MARCO: variants seen among roughly 807,000 people sequenced by gnomAD.
The protein encoded by MARCO is macrophage receptor with collagenous structure.
In MARCO, 72 loss-of-function variants were observed where a neutral mutation model predicts 70.0. That is an observed-to-expected ratio of 1.03 (90% CI 0.85 to 1.25). The LOEUF is 1.25. Among genes scored for constraint, MARCO ranks in the 50% most tolerant of loss-of-function variants. MARCO has a pLI of 0.00. For missense variants in MARCO, 696 were observed against 659.3 expected (o/e 1.06, Z -0.61); for synonymous variants, 273 against 243.1 (o/e 1.12, Z -1.14).
intron 4 of MARCO, among the ~76,000 whole-genome samples, chr2:118,972,402 GT>G (rs1490551737): frequency 6.6e-6 from 1 of 152,156 alleles, no homozygotes; most frequent in Non-Finnish European, 1.5e-5. Flanking sequence ...GCCAGGGAGG[GT>G]TTTGAGGCAG....
chr2:118,957,127 A>C (rs1295891998), intron 1 of MARCO, among the ~76,000 whole-genome samples: 1 of 152,112 alleles, frequency 6.6e-6, no homozygotes, highest in African/African-American at 2.4e-5. Context: ...AGAAGAAAGG[A>C]AGTAACCAAG....
intron 12 of MARCO, among the ~76,000 whole-genome samples, chr2:118,986,705 GAA>G (rs1354709370): frequency 2.5e-5 from 2 of 80,630 alleles, no homozygotes; most frequent in Admixed American, 2.4e-4. Flanking sequence ...AAGAAAGAAA[GAA>G]AGAAAGAAAG....
intron 8 of MARCO, among the ~76,000 whole-genome samples, chr2:118,980,971 T>C (rs931608497): frequency 2.6e-5 from 4 of 152,210 alleles, no homozygotes; most frequent in Non-Finnish European, 5.9e-5. Flanking sequence ...CTGGCAGGAA[T>C]ATGAGCTGCT....
chr2:118,948,950 G>T (rs1398430309), intron 1 of MARCO, among the ~76,000 whole-genome samples: 2 of 152,156 alleles, frequency 1.3e-5, no homozygotes, highest in Non-Finnish European at 2.9e-5. Flanking sequence ...TCCGCTAAGG[G>T]CAGGTGTATG....
At chr2:118,966,894 TTCA>T (rs541937923) in intron 1 of MARCO, among the ~76,000 whole-genome samples, 8 of 152,340 alleles carry the variant, frequency 5.3e-5, no homozygotes, top group Non-Finnish European at 1.0e-4. Flanking sequence ...GTTATTTGTC[TTCA>T]TCATGACGGT....
At chr2:118,942,684 C>CT (rs1475782437) in intron 1 of MARCO, among the ~76,000 whole-genome samples, 1 of 151,996 alleles carries the variant, frequency 6.6e-6, no homozygotes, top group African/African-American at 2.4e-5. Flanking sequence ...TAAATGTCCC[C>CT]TTTTTTTAAT....
intron 1 of MARCO, among the ~76,000 whole-genome samples, chr2:118,954,383 C>T (rs1679787594): frequency 6.6e-6 from 1 of 152,180 alleles, no homozygotes; most frequent in South Asian, 2.1e-4. Context: ...CTGGGAATCT[C>T]ACCCCTATCC....
At chr2:118,955,512 A>G (rs1019882229) in intron 1 of MARCO, among the ~76,000 whole-genome samples, 1 of 152,216 alleles carries the variant, frequency 6.6e-6, no homozygotes, top group Non-Finnish European at 1.5e-5. Context: ...CAATTGTAAA[A>G]GCTTGGAAAA....
In MARCO at chr2:118,992,443, G is replaced by A. The variant is rs1282819199; in HGVS notation, c.1219G>A (p.Glu407Lys). The A allele has an allele frequency of 6.2e-7, 1 of 1,613,716 alleles. No individual in the cohort carries two copies. The highest frequency in any genetic ancestry group is 1.3e-5 in the African/African-American group (1 of 74,906). ...GDQGVKGSSG[E>K]QGVKGEKGER... ...TCTCCTCATGACAGGATCTTCTGGG[G>A]AGCAAGGAGTAAAGGGAGAAAAAGG... The change falls in exon 15 of 17, where the codon GAG becomes AAG. Residue 407 changes from glutamate (E) to lysine (K), a missense_variant. Coordinates refer to ENST00000327097, the MANE Select transcript of MARCO (RefSeq NM_006770.4).
Position 118,948,372 on chromosome 2 carries a change from T to C in MARCO, c.97+5975T>C, listed in dbSNP as rs530249514. On this transcript the variant is annotated intron_variant, in intron 1 of 16. Transcript: ENST00000327097. ...TGCTAATAGCCTACAACTTTCCTAA[T>C]AGTTAAGTACAGGGAAGAACAAAGA... 2.0e-5 allele frequency among the ~76,000 whole-genome samples: 3 copies of C among 152,290 alleles called. No homozygotes were observed. In the East Asian group the frequency reaches 5.8e-4, roughly 29 times the overall value.
At chr2:118,966,969 C>T (rs1680063655) in intron 1 of MARCO, among the ~76,000 whole-genome samples, 1 of 152,194 alleles carries the variant, frequency 6.6e-6, no homozygotes, top group Non-Finnish European at 1.5e-5. Flanking sequence ...TCTAACTCTG[C>T]ACATGTTCAG....
chr2:118,954,132 C>T (rs1175046044), intron 1 of MARCO, among the ~76,000 whole-genome samples: 1 of 152,172 alleles, frequency 6.6e-6, no homozygotes, highest in Non-Finnish European at 1.5e-5. Flanking sequence ...GATCTAAAGC[C>T]CTTGTCTTTG....
chr2:118,978,130 G>T (rs1449893045), intron 8 of MARCO, among the ~76,000 whole-genome samples, 195 bp downstream of exon 8: 1 of 152,178 alleles, frequency 6.6e-6, no homozygotes, highest in Non-Finnish European at 1.5e-5. Context: ...GGAGAACAAT[G>T]TCATTCCAGG....
chr2:118,977,927 G>A lies in MARCO; in HGVS notation c.758G>A (p.Gly253Asp), dbSNP rs1680317814. 1.2e-6 allele frequency: 2 copies of A among 1,603,136 alleles called. No individual in the cohort carries two copies. Among genetic ancestry groups the A allele is most frequent in the Non-Finnish European group, 1.7e-6 (2 of 1,174,220 alleles). ...TGTKGEKGDL[G>D]LPGSKGDRGM... Reference sequence around the variant, plus strand: ...ACTAAGGGAGAGAAAGGAGACCTGGGTCTCCCAGGTGAGGGCCGTATTGGG... The same window carrying A: ...ACTAAGGGAGAGAAAGGAGACCTGGATCTCCCAGGTGAGGGCCGTATTGGG... The change falls in exon 8 of 17, where the codon GGT (glycine) becomes GAT (aspartate). Residue 253 changes from glycine to aspartate, a missense_variant. Physicochemically the swap from Gly to Asp is moderately conservative, Grantham distance 94. Transcript: ENST00000327097.
intron 1 of MARCO, among the ~76,000 whole-genome samples, chr2:118,950,573 A>G (rs1679703006): frequency 6.6e-6 from 1 of 152,220 alleles, no homozygotes; most frequent in Admixed American, 6.5e-5. Context: ...CTGTTTCTTC[A>G]ATAGTTTTAC....
chr2:118,951,579 A>T lies in MARCO; in HGVS notation c.97+9182A>T, dbSNP rs559683824. 6.6e-5 allele frequency among the ~76,000 whole-genome samples: 10 copies of T among 152,336 alleles called. No individual in the cohort carries two copies. In the South Asian group the frequency reaches 1.9e-3, roughly 28 times the overall value. Reference sequence around the variant, plus strand: ...AATGCATTTGGGCCATCTACGGGTTACTGGGTTAAGGATTTTTTATTAGAA... The same window carrying T: ...AATGCATTTGGGCCATCTACGGGTTTCTGGGTTAAGGATTTTTTATTAGAA... On this transcript the variant is annotated intron_variant, in intron 1 of 16. Transcript: ENST00000327097.
chr2:118,969,112 G>C, intron 1 of MARCO, 48 bp from the exon 2 acceptor site: 1 of 1,352,140 alleles, frequency 7.4e-7, no homozygotes, highest in Non-Finnish European at 1.1e-6. Flanking sequence ...GGGACTTCCT[G>C]TGCTGTGTTC....
At chr2:118,985,383 C>T (rs899237931) in intron 12 of MARCO, among the ~76,000 whole-genome samples, 7 of 152,152 alleles carry the variant, frequency 4.6e-5, no homozygotes, top group African/African-American at 1.7e-4. Flanking sequence ...CTACCTCCTC[C>T]ACAGCCACTG....
chr2:118,982,255 G>A lies in MARCO; in HGVS notation c.1000+1G>A. On this transcript the variant is annotated splice_donor_variant, in intron 11 of 16. Transcript: ENST00000327097. LOFTEE classifies it high-confidence loss of function. ...AGTGCTGGCTCCCCTGGGCGAGCAGGTGAGGTCCTGGGTCCTATGGTGGGC... is the reference window on the plus strand; with the variant it reads ...AGTGCTGGCTCCCCTGGGCGAGCAGATGAGGTCCTGGGTCCTATGGTGGGC... 1 of 1,612,748 alleles carries A rather than the reference G, an allele frequency of 6.2e-7. No individual in the cohort carries two copies. Among genetic ancestry groups the A allele is most frequent in the African/African-American group, 1.3e-5 (1 of 74,966 alleles).
Sources: allele counts gnomAD v4.1 joint callset (sites outside exome capture counted in the v4.1 genomes callset), GRCh38; gene constraint gnomAD v4.1.1; transcripts MANE v1.5; gene names NCBI Gene and HGNC (gene_info 2026-07-23, HGNC 2026-07-21).